The following TRAF3 variants were observed in gnomAD, a reference collection of about 807,000 sequenced individuals.
TRAF3 encodes TNF receptor-associated factor 3.
A neutral mutation model predicts 62.3 loss-of-function variants in TRAF3; 13 were observed. The ratio of observed to expected loss-of-function variants is 0.21; its 90% confidence interval spans 0.14 to 0.33. The LOEUF is 0.33. TRAF3 is among the 10% of genes least tolerant of loss of function. The probability of loss-of-function intolerance (pLI) is 1.00; values close to 1 mark genes in which losing one functional copy is unlikely to be tolerated. For missense variants in TRAF3, 440 were observed against 741.8 expected, an observed-to-expected ratio of 0.59 and a Z score of 4.73; for synonymous variants, 269 against 283.4, an observed-to-expected ratio of 0.95 and a Z score of 0.51.
chr14:102,784,731 C>T (rs1897415145), intron 1 of TRAF3, among the ~76,000 whole-genome samples: 1 of 152,140 alleles, frequency 6.6e-6, no homozygotes, highest in African/African-American at 2.4e-5. Flanking sequence ...GTAGTAGGTG[C>T]CACAACAGTG....
rs1900335190 is a variant in TRAF3 at position 102,826,731 on chromosome 14, G to A, written c.-156-3603G>A. Among the ~76,000 whole-genome samples, 1 of 152,148 alleles carries A rather than the reference G, an allele frequency of 6.6e-6. No homozygotes were observed. The highest frequency in any genetic ancestry group is 6.5e-5 in the Admixed American group (1 of 15,280). On this transcript the variant is annotated intron_variant, in intron 1 of 11. Transcript: ENST00000392745. The surrounding 1 kb of genome is among the most constrained non-coding windows in gnomAD (Gnocchi z 4.6). ...TTCACCTCACACCTGTTCAGGGTCC[G>A]GCTGGGCTCTGGACATAGGGTGGAA...
intron 6 of TRAF3, among the ~76,000 whole-genome samples, chr14:102,880,970 G>A (rs1889018993): frequency 6.6e-6 from 1 of 152,184 alleles, no homozygotes; most frequent in South Asian, 2.1e-4. Flanking sequence ...GCAGGTGCCT[G>A]TAATCCCAGC....
intron 6 of TRAF3, among the ~76,000 whole-genome samples, chr14:102,881,806 G>A (rs564355199): frequency 6.6e-6 from 1 of 152,220 alleles, no homozygotes; most frequent in East Asian, 1.9e-4. Context: ...ACCTTTATTT[G>A]CAGAATAGAA....
rs914542323 is a variant in TRAF3 at position 102,910,259 on chromosome 14, A to T, written c.*4475A>T. On this transcript the variant is annotated 3_prime_UTR_variant, in exon 12 of 12. Coordinates refer to ENST00000392745, the MANE Select transcript of TRAF3 (RefSeq NM_145725.3). Reference sequence around the variant, plus strand: ...GCAGAGCTGTAAAATACTGTTTTTTAAAAATTTTAGTCCAGATCTTTACTT... The same window carrying T: ...GCAGAGCTGTAAAATACTGTTTTTTTAAAATTTTAGTCCAGATCTTTACTT... 6.6e-6 allele frequency: 1 copy of T among 152,214 alleles called. No individual in the cohort carries two copies. The highest frequency in any genetic ancestry group is 1.5e-5 in the Non-Finnish European group (1 of 68,030). The allele number at this position is 152,214 out of a possible 1,614,324, so 9.4% of individuals were successfully genotyped here.
At chr14:102,799,948 G>A (rs1379022603) in intron 1 of TRAF3, among the ~76,000 whole-genome samples, 1 of 152,162 alleles carries the variant, frequency 6.6e-6, no homozygotes, top group African/African-American at 2.4e-5. Flanking sequence ...TGTTGTCTCT[G>A]AGGAATTTAA....
At chr14:102,792,181 G>C (rs1242200325) in intron 1 of TRAF3, among the ~76,000 whole-genome samples, 1 of 130,720 alleles carries the variant, frequency 7.6e-6, no homozygotes, top group Non-Finnish European at 1.5e-5. Flanking sequence ...CTGGAGTACA[G>C]TGATGTGATC....
At position 102,798,226 on chromosome 14, in the gene TRAF3, C is replaced by CTT. The variant is rs77441587; in HGVS notation, c.-157+20563_-157+20564dup. Among the ~76,000 whole-genome samples the CTT allele has an allele frequency of 2.9e-3, 418 of 144,450 alleles. 2 individuals are homozygous for CTT. Among genetic ancestry groups the CTT allele is most frequent in the African/African-American group, 9.9e-3 (393 of 39,588 alleles). The allele number at this position is 144,450 out of a possible 152,430, so 94.8% of individuals were successfully genotyped here. ...CAAATCTAGCTTAGTTCAGAAAACC[C>CTT]TTTTTTTTTTTTTGAGACTGGGTCT... On this transcript the variant is annotated intron_variant, in intron 1 of 11. Transcript: ENST00000392745.
intron 2 of TRAF3, among the ~76,000 whole-genome samples, chr14:102,843,202 C>CAA (rs982973118): frequency 1.9e-4 from 25 of 131,504 alleles, no homozygotes; most frequent in Middle Eastern, 4.0e-3. Flanking sequence ...GACTCCATCT[C>CAA]AAAAAAAAAA....
intron 11 of TRAF3, 21 bp from the exon 12 acceptor site, chr14:102,905,192 A>C (rs1371960320): frequency 3.1e-6 from 5 of 1,611,660 alleles, no homozygotes; most frequent in Non-Finnish European, 4.2e-6. Flanking sequence ...TCATTCACCA[A>C]ACCCTCCTCA....
In TRAF3 at chr14:102,870,300, C is replaced by T. The variant is rs1566786027; in HGVS notation, c.99C>T (p.Val33=). The T allele has an allele frequency of 6.2e-7, 1 of 1,614,192 alleles. No individual in the cohort carries two copies. The highest frequency in any genetic ancestry group is 1.1e-5 in the South Asian group (1 of 91,084). Reference sequence around the variant, plus strand: ...GCAGTGCTGGGACGCCAGTTTTTGTCCCTGAACAAGGAGGTTACAAGGAAA... The same window carrying T: ...GCAGTGCTGGGACGCCAGTTTTTGTTCCTGAACAAGGAGGTTACAAGGAAA... ...TDRSAGTPVF[V]PEQGGYKEKF... The change falls in exon 3 of 12, where the codon GTC becomes GTT. Residue 33 remains valine (V), a synonymous_variant. Coordinates refer to ENST00000392745, the MANE Select transcript of TRAF3 (RefSeq NM_145725.3).
At chr14:102,790,994 C>T (rs1350813237) in intron 1 of TRAF3, among the ~76,000 whole-genome samples, 1 of 151,130 alleles carries the variant, frequency 6.6e-6, no homozygotes, top group Non-Finnish European at 1.5e-5. Flanking sequence ...TCCTCCAATC[C>T]ATGAACGTGA....
intron 6 of TRAF3, among the ~76,000 whole-genome samples, chr14:102,885,433 C>G (rs1232452018): frequency 6.6e-6 from 1 of 152,202 alleles, no homozygotes; most frequent in African/African-American, 2.4e-5. Context: ...ATCTCTGGCT[C>G]TTCCTCATCA....
At position 102,906,872 on chromosome 14, in the gene TRAF3, G is replaced by T. The variant is rs1304025314; in HGVS notation, c.*1088G>T. 6.6e-6 allele frequency: 1 copy of T among 152,252 alleles called. No individual in the cohort carries two copies. The highest frequency in any genetic ancestry group is 1.5e-5 in the Non-Finnish European group (1 of 68,056). The allele number at this position is 152,252 out of a possible 1,614,324, so 9.4% of individuals were successfully genotyped here. On this transcript the variant is annotated 3_prime_UTR_variant, in exon 12 of 12. Transcript: ENST00000392745. ...GTCAACGGTCTCCGAAAGCAACGTT[G>T]TGCGTAGAGCTGGTGGCATACGGCC...
At chr14:102,861,091 G>A (rs930182938) in intron 2 of TRAF3, among the ~76,000 whole-genome samples, 7 of 152,326 alleles carry the variant, frequency 4.6e-5, no homozygotes, top group African/African-American at 9.6e-5. Context: ...AGAAAGACCC[G>A]CCCATTGCAG....
chr14:102,883,625 G>A (rs1030023762), intron 6 of TRAF3, among the ~76,000 whole-genome samples: 5 of 151,610 alleles, frequency 3.3e-5, no homozygotes, highest in Non-Finnish European at 7.4e-5. Context: ...TCACTCTGCC[G>A]CCCAGGCTGG....
intron 1 of TRAF3, among the ~76,000 whole-genome samples, chr14:102,805,144 T>A (rs1898692674): frequency 6.6e-6 from 1 of 152,212 alleles, no homozygotes; most frequent in South Asian, 2.1e-4. Flanking sequence ...ATAATTTAGA[T>A]AATTAGCAAC....
At chr14:102,872,944 G>A (rs1317274913) in intron 4 of TRAF3, among the ~76,000 whole-genome samples, 2 of 151,854 alleles carry the variant, frequency 1.3e-5, no homozygotes, top group African/African-American at 2.4e-5. Context: ...CACCTGCCTC[G>A]GCCTCCCAAA....
intron 1 of TRAF3, among the ~76,000 whole-genome samples, chr14:102,803,249 C>G (rs1481757166): frequency 6.6e-6 from 1 of 152,136 alleles, no homozygotes; most frequent in Non-Finnish European, 1.5e-5. Flanking sequence ...TTATGAAGGA[C>G]TTGTGTTCCT....
intron 6 of TRAF3, among the ~76,000 whole-genome samples, chr14:102,882,213 G>A (rs1472138610): frequency 6.6e-6 from 1 of 152,222 alleles, no homozygotes; most frequent in African/African-American, 2.4e-5. Context: ...AAAGACAAGG[G>A]AGAAAGAGAA....
Sources: allele counts gnomAD v4.1 joint callset (sites outside exome capture counted in the v4.1 genomes callset), GRCh38; gene constraint gnomAD v4.1.1; non-coding constraint Gnocchi (gnomAD v3.1); transcripts MANE v1.5; gene names NCBI Gene and HGNC (gene_info 2026-07-23, HGNC 2026-07-21).